The following ECHDC1 variants were observed in gnomAD, a reference collection of about 807,000 sequenced individuals.
ECHDC1 encodes ethylmalonyl-CoA decarboxylase 1, also known as ethylmalonyl-CoA decarboxylase.
Under a neutral mutation model 29.7 loss-of-function variants are expected in ECHDC1, and 29 were observed. That is an observed-to-expected ratio of 0.98 (90% CI 0.73 to 1.33). The LOEUF (loss-of-function observed/expected upper bound fraction) is 1.33. Among genes scored for constraint, ECHDC1 ranks in the 40% most tolerant of loss-of-function variants. The probability of loss-of-function intolerance (pLI) is 0.00; values close to 1 mark genes in which losing one functional copy is unlikely to be tolerated. For missense variants in ECHDC1, 328 were observed against 350.0 expected, an observed-to-expected ratio of 0.94 and a Z score of 0.50; for synonymous variants, 126 against 123.1, an observed-to-expected ratio of 1.02 and a Z score of -0.15.
At chr6:127,313,487 G>A (rs1013130448) in intron 5 of ECHDC1, 94 of 430,676 alleles carry the variant, frequency 2.2e-4, no homozygotes, top group Non-Finnish European at 2.2e-4. Context: ...ACAGGCATGA[G>A]CCACCACGCC....
At chr6:127,319,480 G>A (rs2114636482) in intron 3 of ECHDC1, among the ~76,000 whole-genome samples, 1 of 152,240 alleles carries the variant, frequency 6.6e-6, no homozygotes, top group East Asian at 1.9e-4. Context: ...GGTTTTAAGT[G>A]TATCATAAAA....
Position 127,290,057 on chromosome 6 carries a change from GT to G in ECHDC1, c.717del (p.Gln240LysfsTer4). 1 of 1,613,638 alleles carries G rather than the reference GT, an allele frequency of 6.2e-7. No individual in the cohort carries two copies. On this transcript the variant is annotated frameshift_variant, in exon 6 of 6. Transcript: ENST00000454859. LOFTEE classifies it high-confidence loss of function. ...TGGATGAATTGCTTTAGCCATTCTT[GT>G]GCCTCTTCTAGAGATTTAGTTTCAT... ...SSDETKSLEE[A>X]QEWLKQFIQG...
At chr6:127,342,217 C>T in intron 1 of ECHDC1, 3 of 836,772 alleles carry the variant, frequency 3.6e-6, no homozygotes, top group East Asian at 2.8e-5. Context: ...AGTTTTTTAA[C>T]CAGTTCTTCC....
chr6:127,314,897 C>A lies in ECHDC1; in HGVS notation c.417-1G>T. On this transcript the variant is annotated splice_acceptor_variant, in intron 4 of 5. Transcript: ENST00000454859. LOFTEE classifies it high-confidence loss of function. ...CAGCGCAACACTTATTAAAGGAAGT[C>A]TGTATATTGAAGAAAAAACTGATGT... 1 of 1,610,928 alleles carries A rather than the reference C, an allele frequency of 6.2e-7. No homozygotes were observed. Among genetic ancestry groups the A allele is most frequent in the Non-Finnish European group, 8.5e-7 (1 of 1,178,544 alleles).
intron 4 of ECHDC1, chr6:127,315,240 T>C (rs1049891613): frequency 1.1e-5 from 5 of 446,930 alleles, no homozygotes; most frequent in African/African-American, 4.0e-5. Context: ...TCTCAGCAGC[T>C]GGCTCTTCAG....
chr6:127,329,640 T>C (rs1233573510), intron 2 of ECHDC1, among the ~76,000 whole-genome samples: 2 of 152,162 alleles, frequency 1.3e-5, no homozygotes, highest in African/African-American at 4.8e-5. Context: ...AATACCAGAT[T>C]TCAGAGACTT....
At chr6:127,306,437 A>G (rs766371718) in intron 5 of ECHDC1, among the ~76,000 whole-genome samples, 19 of 152,024 alleles carry the variant, frequency 1.2e-4, no homozygotes, top group Admixed American at 2.0e-4. Context: ...TGTAATCCCT[A>G]ATGTTGTAGG....
At chr6:127,308,040 T>C (rs1781589114) in intron 5 of ECHDC1, among the ~76,000 whole-genome samples, 2 of 152,108 alleles carry the variant, frequency 1.3e-5, no homozygotes, top group South Asian at 4.1e-4. Context: ...TGCAATGGCT[T>C]CATTGCTAAA....
chr6:127,308,635 G>A (rs982219823), intron 5 of ECHDC1, among the ~76,000 whole-genome samples: 3 of 152,100 alleles, frequency 2.0e-5, no homozygotes, highest in African/African-American at 7.2e-5. Context: ...ATTCAACATA[G>A]TACTGGAAGT....
At chr6:127,315,708 G>A in intron 4 of ECHDC1, 3 of 317,804 alleles carry the variant, frequency 9.4e-6, no homozygotes, top group South Asian at 2.7e-5. Flanking sequence ...AGGTGAATAG[G>A]GTTTAAACAA....
rs770137102 is a variant in ECHDC1, at chr6:127,290,165, T to G, written c.610A>C (p.Lys204Gln). The change falls in exon 6 of 6, where the codon AAA (lysine) becomes CAA (glutamine). Residue 204 changes from lysine to glutamine, a missense_variant. Physicochemically the swap from Lys to Gln is moderately conservative, Grantham distance 53. Coordinates refer to ENST00000454859, the MANE Select transcript of ECHDC1 (RefSeq NM_001002030.2). ...VEIIGSRQAL[K>Q]VLSGALKLDS... Reference sequence around the variant, plus strand: ...AGTTTAAGGGCCCCACTCAACACTTTGAGAGCTTGTCTACTTCCGATTATT... The same window carrying G: ...AGTTTAAGGGCCCCACTCAACACTTGGAGAGCTTGTCTACTTCCGATTATT... 5 of 1,613,744 alleles carry G rather than the reference T, an allele frequency of 3.1e-6. No individual in the cohort carries two copies. The highest frequency in any genetic ancestry group is 4.2e-6 in the Non-Finnish European group (5 of 1,179,774).
At chr6:127,318,735 C>T (rs1782596896) in intron 3 of ECHDC1, among the ~76,000 whole-genome samples, 1 of 152,156 alleles carries the variant, frequency 6.6e-6, no homozygotes, top group South Asian at 2.1e-4. Context: ...AAATGTTTTG[C>T]ACATAGTGTT....
rs531812319 is a variant in ECHDC1, at chr6:127,343,605, G to T, written c.-272C>A. ...CGCCCTCCGCTTCGCGCTCCCTCGT[G>T]TCACGAGGGAGCCAGGGTGGGCGGT... On this transcript the variant is annotated 5_prime_UTR_variant, in exon 1 of 6. Transcript: ENST00000454859. 1.3e-5 allele frequency: 2 copies of T among 152,246 alleles called. No homozygotes were observed. The highest frequency in any genetic ancestry group is 1.9e-4 in the East Asian group (1 of 5,140). The allele number at this position is 152,246 out of a possible 1,614,324, so 9.4% of individuals were successfully genotyped here.
intron 1 of ECHDC1, chr6:127,342,433 T>A: frequency 6.6e-7 from 1 of 1,514,362 alleles, no homozygotes; most frequent in Admixed American, 2.2e-5. Context: ...CCCAGCTGAT[T>A]ATACAGTCGC....
At chr6:127,312,554 A>G (rs977655249) in intron 5 of ECHDC1, among the ~76,000 whole-genome samples, 3 of 152,212 alleles carry the variant, frequency 2.0e-5, no homozygotes, top group African/African-American at 7.2e-5. Context: ...TACACTTACC[A>G]TATCACCCCA....
intron 1 of ECHDC1, among the ~76,000 whole-genome samples, chr6:127,339,552 C>T (rs1784730861): frequency 2.0e-5 from 3 of 151,850 alleles, no homozygotes; most frequent in Non-Finnish European, 2.9e-5. Flanking sequence ...GTGGGCAGAT[C>T]GCCTGAGGTC....
rs1402984342 is a variant in ECHDC1, at chr6:127,289,996, GA to G, written c.778del (p.Ser260LeufsTer21). ...ATATAGCTCTCTGCCTGAACAAACA[GA>G]TTTTTTCAAAGCTCTAATTACTTCC... ...PPEVIRALKKSVCSGRELYLE... is the reference protein window; with the variant it reads ...PPEVIRALKKXVCSGRELYLE... On this transcript the variant is annotated frameshift_variant, in exon 6 of 6. Transcript: ENST00000454859. LOFTEE classifies it high-confidence loss of function. 1 of 1,613,684 alleles carries G rather than the reference GA, an allele frequency of 6.2e-7. No individual in the cohort carries two copies.
At chr6:127,333,938 A>G (rs1784199928) in intron 1 of ECHDC1, among the ~76,000 whole-genome samples, 1 of 152,196 alleles carries the variant, frequency 6.6e-6, no homozygotes, top group African/African-American at 2.4e-5. Flanking sequence ...TAACGAAGAT[A>G]AACCCCATTT....
intron 5 of ECHDC1, chr6:127,294,503 C>T (rs1349348823): frequency 6.6e-6 from 1 of 152,162 alleles, no homozygotes; most frequent in Non-Finnish European, 1.5e-5. Context: ...TATAATCTCA[C>T]CTTTCTGATT....
Sources: allele counts gnomAD v4.1 joint callset (sites outside exome capture counted in the v4.1 genomes callset), GRCh38; gene constraint gnomAD v4.1.1; transcripts MANE v1.5; gene names NCBI Gene and HGNC (gene_info 2026-07-23, HGNC 2026-07-21).